ABHD12: variants seen among roughly 807,000 people sequenced by gnomAD.
ABHD12 encodes lysophosphatidylserine lipase ABHD12.
ABHD12 carries 43 observed loss-of-function variants against 58.3 expected under a neutral mutation model. The observed-to-expected ratio is 0.74, with a 90% CI of 0.58 to 0.95. ABHD12 has a LOEUF of 0.95. Ranked by LOEUF, ABHD12 falls within the 40% of genes least tolerant of loss-of-function variation. The pLI is 0.00. For synonymous variants in ABHD12, 219 were observed against 211.2 expected (o/e 1.04, Z -0.32); for missense variants, 539 against 537.2 (o/e 1.00, Z -0.03).
In ABHD12 at chr20:25,306,862, A is replaced by G. The variant is rs1600767513; in HGVS notation, c.921T>C (p.Ser307=). ...FDWFFLDPIT[S]SGIKFANDEN... is the part of the protein sequence containing the mutation. ...CATCATTTGCAAATTTAATTCCACT[A>G]CTTGTAATAGGATCAAGGAAGAACC... is the stretch of plus-strand genomic sequence containing the variant. The change falls in exon 10 of 13, where the codon AGT becomes AGC. Residue 307 remains serine, a synonymous_variant. Transcript: ENST00000339157. 6.2e-7 allele frequency: 1 copy of G among 1,612,560 alleles called. No homozygotes were observed. The highest frequency in any genetic ancestry group is 8.5e-7 in the Non-Finnish European group (1 of 1,178,772).
intron 1 of ABHD12, among the ~76,000 whole-genome samples, chr20:25,354,815 G>A (rs1357674519): frequency 1.3e-5 from 2 of 152,010 alleles, no homozygotes; most frequent in Middle Eastern, 3.2e-3. Flanking sequence ...TTTGACTGTC[G>A]TATTTTCTTA....
intron 1 of ABHD12, among the ~76,000 whole-genome samples, chr20:25,364,655 C>T (rs1256736279): frequency 6.6e-6 from 1 of 152,234 alleles, no homozygotes; most frequent in African/African-American, 2.4e-5. Context: ...TAACGGCCTA[C>T]AGAGCTATTT....
At chr20:25,375,753 G>A (rs779451376) in intron 1 of ABHD12, among the ~76,000 whole-genome samples, 1 of 151,744 alleles carries the variant, frequency 6.6e-6, no homozygotes, top group African/African-American at 2.4e-5. Context: ...TTTTTGTTGT[G>A]GCTGCTATTT....
intron 7 of ABHD12, 66 bp from the exon 8 acceptor site, chr20:25,308,560 T>G: frequency 2.5e-5 from 38 of 1,504,328 alleles, no homozygotes; most frequent in South Asian, 3.6e-5. Flanking sequence ...ATGGGCCTTA[T>G]GCTGGAAAGT....
intron 1 of ABHD12, among the ~76,000 whole-genome samples, chr20:25,386,729 A>C (rs2090096075): frequency 6.6e-6 from 1 of 152,018 alleles, no homozygotes; most frequent in South Asian, 2.1e-4. Flanking sequence ...AAAAATACAA[A>C]AATTAGCCGG....
chr20:25,342,081 C>T (rs2089461286), intron 1 of ABHD12, among the ~76,000 whole-genome samples: 1 of 115,426 alleles, frequency 8.7e-6, no homozygotes, highest in Non-Finnish European at 1.7e-5. Context: ...TCAGCCTGGG[C>T]AACAACAGTG....
Position 25,345,853 on chromosome 20 carries a change from A to C in ABHD12, c.192-6502T>G, listed in dbSNP as rs2089511251. Among the ~76,000 whole-genome samples the C allele has an allele frequency of 2.0e-5, 3 of 152,222 alleles. No homozygotes were observed. In the South Asian group the frequency reaches 6.2e-4, roughly 32 times the overall value. On this transcript the variant is annotated intron_variant, in intron 1 of 12. Transcript: ENST00000339157. Reference sequence around the variant, plus strand: ...CCCAGTGGGAATGCAAACATGGTACACAGACACTTGGGAAGACAGTTTGGC... The same window carrying C: ...CCCAGTGGGAATGCAAACATGGTACCCAGACACTTGGGAAGACAGTTTGGC...
At chr20:25,356,693 G>A (rs1212987716) in intron 1 of ABHD12, among the ~76,000 whole-genome samples, 3 of 152,188 alleles carry the variant, frequency 2.0e-5, no homozygotes, top group Admixed American at 2.0e-4. Flanking sequence ...GGAGCACTGT[G>A]GCAGAGTGGC....
In ABHD12 at chr20:25,322,381, A is replaced by ATATATATATATATATT; in HGVS notation, c.422+943_422+944insAATATATATATATATA. On this transcript the variant is annotated intron_variant, in intron 3 of 12. Transcript: ENST00000339157. ...GGAAAAGATATATATATATATATAT[A>ATATATATATATATATT]TTTTTTTTTTTTTTTGAGACAAGAG... is the stretch of plus-strand genomic sequence containing the variant. Among the ~76,000 whole-genome samples the ATATATATATATATATT allele has an allele frequency of 4.7e-4, 28 of 59,260 alleles. 1 individual carries two copies. The highest frequency in any genetic ancestry group is 2.2e-3 in the African/African-American group (27 of 12,088). The allele number at this position is 59,260 out of a possible 152,430, so 38.9% of individuals were successfully genotyped here.
At position 25,339,228 on chromosome 20, in the gene ABHD12, GA is replaced by G; in HGVS notation, c.314del (p.Phe105SerfsTer2). On this transcript the variant is annotated frameshift_variant and splice_region_variant, in exon 2 of 13. Coordinates refer to ENST00000339157, the MANE Select transcript of ABHD12 (RefSeq NM_001042472.3). LOFTEE classifies it high-confidence loss of function. Reference protein sequence around the residue: ...GIQAKLIFLNFVRVPYFIDLK... With the variant: ...GIQAKLIFLNXVRVPYFIDLK... Reference sequence around the variant, plus strand: ...GAAAAATGGACACATACCACTTACCGAAATTCAAGAAAATCAGTTTGGCCTG... The same window carrying G: ...GAAAAATGGACACATACCACTTACCGAATTCAAGAAAATCAGTTTGGCCTG... The G allele has an allele frequency of 6.2e-7, 1 of 1,614,018 alleles. No individual in the cohort carries two copies. The highest frequency in any genetic ancestry group is 8.5e-7 in the Non-Finnish European group (1 of 1,179,976).
intron 6 of ABHD12, 76 bp downstream of exon 6, chr20:25,314,849 G>A (rs921236726): frequency 2.6e-6 from 4 of 1,531,488 alleles, no homozygotes; most frequent in South Asian, 1.1e-5. Flanking sequence ...GAGCCTCTTC[G>A]AGTGAGGCCT....
chr20:25,358,242 A>T (rs898141753), intron 1 of ABHD12, among the ~76,000 whole-genome samples: 6 of 152,256 alleles, frequency 3.9e-5, no homozygotes, highest in Non-Finnish European at 8.8e-5. Context: ...TGCTAATAAT[A>T]GCAGGAAGAA....
At chr20:25,332,451 A>C (rs1354002296) in intron 2 of ABHD12, among the ~76,000 whole-genome samples, 31 of 133,306 alleles carry the variant, frequency 2.3e-4, no homozygotes, top group Non-Finnish European at 4.6e-4. Context: ...CTGCACCAAG[A>C]AGACCTAATA....
At chr20:25,388,468 G>A (rs1380377170) in intron 1 of ABHD12, among the ~76,000 whole-genome samples, 2 of 152,162 alleles carry the variant, frequency 1.3e-5, no homozygotes, top group African/African-American at 2.4e-5. Flanking sequence ...GAGTGGGCTG[G>A]TCTAAGAAGG....
chr20:25,388,868 G>C (rs1421566082), intron 1 of ABHD12, among the ~76,000 whole-genome samples: 2 of 148,674 alleles, frequency 1.3e-5, no homozygotes, highest in South Asian at 2.2e-4. Flanking sequence ...GGTTCGGCGA[G>C]ATCTTGGCTC....
chr20:25,294,976 C>T (rs2088517780), exon 13 of ABHD12: 4 of 1,614,200 alleles, frequency 2.5e-6, no homozygotes, highest in Non-Finnish European at 3.4e-6. Flanking sequence ...GCTTCAGTCA[C>T]ACCAGCTCTG....
At chr20:25,306,333 T>G (rs1206270363) in intron 10 of ABHD12, among the ~76,000 whole-genome samples, 2 of 152,244 alleles carry the variant, frequency 1.3e-5, no homozygotes, top group Non-Finnish European at 2.9e-5. Context: ...TTCAGATTTC[T>G]TATTTCTTTC....
chr20:25,371,364 G>A (rs764463505), intron 1 of ABHD12, among the ~76,000 whole-genome samples: 5 of 152,092 alleles, frequency 3.3e-5, no homozygotes, highest in Non-Finnish European at 7.4e-5. Context: ...GCAGCAGCAG[G>A]CTCTAATGCA....
chr20:25,296,776 C>T (rs1053216996), downstream of ABHD12: 2 of 489,056 alleles, frequency 4.1e-6, no homozygotes, highest in Non-Finnish European at 7.2e-6. Flanking sequence ...CCTGCAGCTT[C>T]AGCACCTGCC....
Sources: gnomAD v4.1 joint callset for allele counts (sites outside exome capture counted in the v4.1 genomes callset) on GRCh38, gnomAD v4.1.1 for gene constraint, MANE v1.5 for transcripts, NCBI Gene and HGNC (gene_info 2026-07-23, HGNC 2026-07-21) for gene names.